ENOX1: variants seen among roughly 807,000 people sequenced by gnomAD.
ENOX1 encodes the protein candidate growth-related and time keeping constitutive hydroquinone (NADH) oxidase.
ENOX1 carries 42 observed loss-of-function variants against 82.5 expected under a neutral mutation model. The observed-to-expected ratio is 0.51, with a 90% CI of 0.40 to 0.66. The LOEUF (loss-of-function observed/expected upper bound fraction) is 0.66, where lower values mean the gene tolerates loss of function less well. Among genes scored for constraint, ENOX1 ranks in the 30% least tolerant of loss-of-function variants. The pLI, the probability that ENOX1 is intolerant of heterozygous loss-of-function variation, is 0.00. For missense variants in ENOX1, 608 were observed against 811.6 expected, an observed-to-expected ratio of 0.75 and a Z score of 3.05; for synonymous variants, 271 against 282.2, an observed-to-expected ratio of 0.96 and a Z score of 0.40.
At chr13:43,479,623 A>G (rs1251678074) in intron 3 of ENOX1, among the ~76,000 whole-genome samples, 1 of 152,228 alleles carries the variant, frequency 6.6e-6, no homozygotes, top group African/African-American at 2.4e-5. Flanking sequence ...CTATCCATCC[A>G]TTTATGTATG....
intron 16 of ENOX1, among the ~76,000 whole-genome samples, chr13:43,214,337 C>T (rs1318049351): frequency 6.6e-6 from 1 of 152,084 alleles, no homozygotes; most frequent in East Asian, 1.9e-4. Context: ...GTTGGCTGGG[C>T]GGAAAGTGCC....
chr13:43,440,171 T>C (rs1042115596), intron 3 of ENOX1, among the ~76,000 whole-genome samples: 16 of 152,198 alleles, frequency 1.1e-4, no homozygotes, highest in African/African-American at 3.9e-4. Flanking sequence ...TATCTATTAA[T>C]AGATCTCAGA....
chr13:43,747,617 G>A (rs1950094151), intron 1 of ENOX1, among the ~76,000 whole-genome samples: 1 of 152,182 alleles, frequency 6.6e-6, no homozygotes, highest in African/African-American at 2.4e-5. Context: ...CCTTCCTCAG[G>A]CCCAGGCAGA....
chr13:43,539,054 C>G lies in ENOX1; in HGVS notation c.-218-54902G>C, dbSNP rs1246374002. Among the ~76,000 whole-genome samples, 6 of 152,244 alleles carry G rather than the reference C, an allele frequency of 3.9e-5. 1 individual carries two copies. The highest frequency in any genetic ancestry group is 1.4e-4 in the African/African-American group (6 of 41,534). Reference sequence around the variant, plus strand: ...CCCAGGGTGGTCTTGAACTCCTGGCCTCAAGTGATCTTCCTGCCTCGGCCT... The same window carrying G: ...CCCAGGGTGGTCTTGAACTCCTGGCGTCAAGTGATCTTCCTGCCTCGGCCT... On this transcript the variant is annotated intron_variant, in intron 2 of 16. Transcript: ENST00000690772.
intron 1 of ENOX1, among the ~76,000 whole-genome samples, chr13:43,785,622 T>C (rs1312327427): frequency 6.6e-6 from 1 of 152,136 alleles, no homozygotes; most frequent in Admixed American, 6.5e-5. Context: ...AGCAGGAGTG[T>C]ATCTGGGTGA....
chr13:43,386,276 T>A lies in ENOX1; in HGVS notation c.209-24824A>T, dbSNP rs111843333. Among the ~76,000 whole-genome samples, 139 of 152,316 alleles carry A rather than the reference T, an allele frequency of 9.1e-4. 2 individuals carry two copies. Among genetic ancestry groups the A allele is most frequent in the African/African-American group, 3.0e-3 (125 of 41,564 alleles). On this transcript the variant is annotated intron_variant, in intron 5 of 16. Coordinates refer to ENST00000690772, the MANE Select transcript of ENOX1 (RefSeq NM_001347969.2). ...GAAGAGACAGGATTCATGTTACACA[T>A]CCCTCTGTGTCCTTACAGGGATGTG...
At chr13:43,647,618 T>TG (rs955619863) in intron 2 of ENOX1, among the ~76,000 whole-genome samples, 6 of 152,214 alleles carry the variant, frequency 3.9e-5, no homozygotes, top group African/African-American at 1.4e-4. Flanking sequence ...GGAAGAGAAA[T>TG]GAGGCTTTGG....
At chr13:43,223,927 G>C in intron 16 of ENOX1, 126 bp downstream of exon 16, 1 of 639,050 alleles carries the variant, frequency 1.6e-6, no homozygotes, top group East Asian at 2.9e-5. Context: ...CCTTGCAAAA[G>C]AGAAGGGCTG....
rs866352303 is a variant in ENOX1, at chr13:43,786,355, G to C, written c.-285+297C>G. 6.6e-6 allele frequency among the ~76,000 whole-genome samples: 1 copy of C among 151,814 alleles called. No homozygotes were observed. The highest frequency in any genetic ancestry group is 1.5e-5 in the Non-Finnish European group (1 of 67,934). On this transcript the variant is annotated intron_variant, in intron 1 of 16. Transcript: ENST00000690772. This position sits in a 1 kb window ranked among gnomAD's most constrained non-coding sequence, Gnocchi z 6.0. ...GGCGCGGAGCCCGGAGCTGACACTG[G>C]CTGGCGGGCGGAGGGGAGAGCGGGG...
At chr13:43,391,410 T>C (rs2153582036) in intron 5 of ENOX1, among the ~76,000 whole-genome samples, 1 of 152,272 alleles carries the variant, frequency 6.6e-6, no homozygotes, top group African/African-American at 2.4e-5. Flanking sequence ...GATGTGATTA[T>C]CACTGGCCCA....
chr13:43,535,472 C>A (rs559376479), intron 2 of ENOX1, among the ~76,000 whole-genome samples: 4 of 152,156 alleles, frequency 2.6e-5, no homozygotes, highest in Non-Finnish European at 5.9e-5. Flanking sequence ...TACCTCTCCC[C>A]CCATCGTTAA....
intron 2 of ENOX1, among the ~76,000 whole-genome samples, chr13:43,487,095 C>G (rs2076452816): frequency 6.6e-6 from 1 of 151,810 alleles, no homozygotes; most frequent in Non-Finnish European, 1.5e-5. Flanking sequence ...TTGCTTGAAC[C>G]TGGGAGGTGG....
chr13:43,734,681 ACTCT>A (rs1242728329), intron 1 of ENOX1, among the ~76,000 whole-genome samples: 1 of 152,114 alleles, frequency 6.6e-6, no homozygotes, highest in Non-Finnish European at 1.5e-5. Flanking sequence ...GGCAATGACA[ACTCT>A]CTATCATTTA....
chr13:43,595,421 T>C (rs1331439349), intron 2 of ENOX1, among the ~76,000 whole-genome samples: 1 of 152,200 alleles, frequency 6.6e-6, no homozygotes, highest in African/African-American at 2.4e-5. Context: ...TATTTCTTTT[T>C]TTTATTATAC....
At chr13:43,238,225 A>G (rs919036779) in intron 14 of ENOX1, among the ~76,000 whole-genome samples, 24 of 152,322 alleles carry the variant, frequency 1.6e-4, no homozygotes, top group African/African-American at 5.8e-4. Flanking sequence ...ACTAGAGATG[A>G]AAGATGCTCT....
intron 3 of ENOX1, among the ~76,000 whole-genome samples, chr13:43,470,390 A>ATATATATACACATATATATG (rs2058012126): frequency 2.6e-5 from 1 of 37,818 alleles, no homozygotes; most frequent in Admixed American, 2.1e-4. Context: ...ATATATACGT[A>ATATATATACACATATATATG]TATATATGTG....
intron 2 of ENOX1, chr13:43,547,531 A>C (rs1338034775): frequency 3.9e-5 from 6 of 152,234 alleles, no homozygotes; most frequent in African/African-American, 1.4e-4. Context: ...TCAAAGAGAA[A>C]GATCTGAAAG....
intron 3 of ENOX1, among the ~76,000 whole-genome samples, chr13:43,472,803 G>A (rs2058124807): frequency 6.6e-6 from 1 of 152,164 alleles, no homozygotes; most frequent in Non-Finnish European, 1.5e-5. Flanking sequence ...ATGAAGCTGG[G>A]TACGGAAATT....
intron 3 of ENOX1, among the ~76,000 whole-genome samples, chr13:43,478,776 G>A (rs116486276): frequency 6.6e-6 from 1 of 152,128 alleles, no homozygotes; most frequent in Non-Finnish European, 1.5e-5. Context: ...AAACTGTATT[G>A]TTAATTCATG....
Sources: allele counts gnomAD v4.1 joint callset (sites outside exome capture counted in the v4.1 genomes callset), GRCh38; gene constraint gnomAD v4.1.1; non-coding constraint Gnocchi (gnomAD v3.1); transcripts MANE v1.5; gene names NCBI Gene and HGNC (gene_info 2026-07-23, HGNC 2026-07-21).